The following CTNND2 variants were observed in gnomAD, a reference collection of about 807,000 sequenced individuals.
CTNND2 encodes catenin delta-2.
Under a neutral mutation model 144.4 loss-of-function variants are expected in CTNND2, and 22 were observed. The observed-to-expected ratio is 0.15, with a 90% CI of 0.11 to 0.22. The LOEUF is 0.22. CTNND2 is among the 10% of genes least tolerant of loss of function. CTNND2 has a pLI of 1.00. For missense variants in CTNND2, 1,353 were observed against 1,618.8 expected (o/e 0.84, Z 2.82); for synonymous variants, 751 against 695.6 (o/e 1.08, Z -1.25).
chr5:11,175,125 A>G (rs16901357), intron 11 of CTNND2, among the ~76,000 whole-genome samples: 12,107 of 151,112 alleles, frequency 0.08, 693 homozygotes, highest in African/African-American at 0.17. Context: ...GATTGCTTCT[A>G]TTTTTTTTTA....
intron 2 of CTNND2, among the ~76,000 whole-genome samples, chr5:11,653,999 C>G (rs1782786170): frequency 6.6e-6 from 1 of 151,974 alleles, no homozygotes; most frequent in Admixed American, 6.6e-5. Flanking sequence ...TGATGACTGT[C>G]CTTTTCCCTT....
chr5:11,559,924 G>C (rs1776554395), intron 3 of CTNND2, among the ~76,000 whole-genome samples: 1 of 152,188 alleles, frequency 6.6e-6, no homozygotes. Context: ...GAGGCCATCT[G>C]CAGGGATGGT....
intron 1 of CTNND2, among the ~76,000 whole-genome samples, chr5:11,901,360 A>G (rs981456289): frequency 6.6e-6 from 1 of 152,226 alleles, no homozygotes; most frequent in African/African-American, 2.4e-5. Context: ...TTCATTTTTA[A>G]TTTTAGAAAC....
intron 5 of CTNND2, among the ~76,000 whole-genome samples, chr5:11,408,629 C>G (rs1213132732): frequency 6.6e-6 from 1 of 151,992 alleles, no homozygotes; most frequent in Non-Finnish European, 1.5e-5. Context: ...CAGTACGTGA[C>G]AATATAAAGT....
chr5:11,638,542 G>A (rs116381088), intron 2 of CTNND2, among the ~76,000 whole-genome samples: 153 of 152,192 alleles, frequency 1.0e-3, no homozygotes, highest in African/African-American at 3.6e-3. Flanking sequence ...CACAAAAGTT[G>A]CTAAGTGCTC....
At chr5:11,146,842 G>C (rs1318896045) in intron 12 of CTNND2, among the ~76,000 whole-genome samples, 1 of 152,200 alleles carries the variant, frequency 6.6e-6, no homozygotes, top group East Asian at 1.9e-4. Context: ...ACACACACTG[G>C]AAAACAAGCA....
intron 1 of CTNND2, among the ~76,000 whole-genome samples, chr5:11,805,389 C>T (rs979781530): frequency 3.3e-5 from 5 of 152,156 alleles, no homozygotes; most frequent in African/African-American, 7.2e-5. Context: ...CATCTACCAC[C>T]CTTGGTTTTT....
intron 3 of CTNND2, among the ~76,000 whole-genome samples, chr5:11,537,678 A>G (rs1774347565): frequency 2.0e-5 from 3 of 152,202 alleles, no homozygotes; most frequent in Admixed American, 2.0e-4. Context: ...GCACTTTTGT[A>G]TGGTAGAATT....
chr5:11,287,933 TAG>T (rs534924322), intron 9 of CTNND2, among the ~76,000 whole-genome samples: 2 of 152,334 alleles, frequency 1.3e-5, no homozygotes, highest in South Asian at 2.1e-4. Flanking sequence ...TCCTCAGCTG[TAG>T]TTTTTTTATT....
At chr5:11,258,559 A>G (rs540645777) in intron 9 of CTNND2, among the ~76,000 whole-genome samples, 165 of 152,328 alleles carry the variant, frequency 1.1e-3, no homozygotes, top group African/African-American at 3.8e-3. Context: ...TTAGATTAAA[A>G]TGATCTAATC....
At chr5:11,878,983 C>T (rs574466460) in intron 1 of CTNND2, among the ~76,000 whole-genome samples, 2 of 152,300 alleles carry the variant, frequency 1.3e-5, no homozygotes, top group South Asian at 2.1e-4. Context: ...GGCCTCCTCG[C>T]TCTTTGATTG....
At position 11,625,389 on chromosome 5, in the gene CTNND2, A is replaced by ATCTCTCTCTCTC. The variant is rs57148533; in HGVS notation, c.175-60345_175-60334dup. On this transcript the variant is annotated intron_variant, in intron 2 of 21. Transcript: ENST00000304623. ...ACAACTGGGTAATGCAAACAGAAAA[A>ATCTCTCTCTCTC]TCTCTCTCTCTCTCTCTCTCTCTCT... Among the ~76,000 whole-genome samples the ATCTCTCTCTCTC allele has an allele frequency of 7.7e-3, 1,080 of 140,438 alleles. 9 individuals are homozygous for ATCTCTCTCTCTC. Among genetic ancestry groups the ATCTCTCTCTCTC allele is most frequent in the African/African-American group, 0.018 (700 of 37,956 alleles). The allele number at this position is 140,438 out of a possible 152,430, so 92.1% of individuals were successfully genotyped here.
intron 2 of CTNND2, among the ~76,000 whole-genome samples, chr5:11,582,455 C>T (rs535061854): frequency 3.9e-5 from 6 of 152,204 alleles, no homozygotes; most frequent in Admixed American, 2.0e-4. Flanking sequence ...AAATGGAGAA[C>T]GACCGTCACT....
intron 3 of CTNND2, among the ~76,000 whole-genome samples, chr5:11,494,168 T>C (rs1286392279): frequency 2.6e-5 from 4 of 152,142 alleles, no homozygotes; most frequent in African/African-American, 9.6e-5. Context: ...GATTAGCAGG[T>C]TTCTAAACCT....
chr5:11,676,426 G>C (rs1784177567), intron 2 of CTNND2, among the ~76,000 whole-genome samples: 1 of 151,962 alleles, frequency 6.6e-6, no homozygotes, highest in Non-Finnish European at 1.5e-5. Context: ...GGGGGCAGGG[G>C]TTAAGGAGGA....
At chr5:11,416,998 TA>T (rs1353680466) in intron 3 of CTNND2, among the ~76,000 whole-genome samples, 1 of 152,140 alleles carries the variant, frequency 6.6e-6, no homozygotes, top group Non-Finnish European at 1.5e-5. Context: ...TTTAAATACA[TA>T]AAGACATCAG....
intron 9 of CTNND2, among the ~76,000 whole-genome samples, chr5:11,308,629 T>C (rs557797854): frequency 6.6e-6 from 1 of 152,368 alleles, no homozygotes; most frequent in Admixed American, 6.5e-5. Context: ...TGTTTAAATG[T>C]GTTTTGGTTT....
intron 3 of CTNND2, among the ~76,000 whole-genome samples, chr5:11,469,628 G>C (rs2244832): frequency 0.37 from 55,742 of 152,026 alleles, 10,566 homozygotes; most frequent in South Asian, 0.48. Flanking sequence ...AACACCCAGA[G>C]CCACACAGTT....
intron 9 of CTNND2, among the ~76,000 whole-genome samples, chr5:11,330,315 C>CAAAAAAAAAAAAAAA (rs1257414767): frequency 6.1e-5 from 5 of 82,318 alleles, no homozygotes; most frequent in African/African-American, 2.1e-4. Flanking sequence ...ACTAAAAATA[C>CAAAAAAAAAAAAAAA]AAAAAAAAAA....
Sources: allele counts gnomAD v4.1 joint callset (sites outside exome capture counted in the v4.1 genomes callset), GRCh38; gene constraint gnomAD v4.1.1; transcripts MANE v1.5; gene names NCBI Gene and HGNC (gene_info 2026-07-23, HGNC 2026-07-21).